The following KCNQ5 variants were observed in gnomAD, a reference collection of about 807,000 sequenced individuals.
KCNQ5 encodes the protein potassium voltage-gated channel subfamily Q member 5, also known as potassium voltage-gated channel subfamily KQT member 5.
In KCNQ5, 30 loss-of-function variants were observed where a neutral mutation model predicts 98.2. The ratio of observed to expected loss-of-function variants is 0.31; its 90% CI spans 0.23 to 0.41. The LOEUF is 0.41. Ranked by LOEUF, KCNQ5 falls within the 10% of genes least tolerant of loss-of-function variation. The pLI is 1.00. For synonymous variants in KCNQ5, 458 were observed against 449.4 expected (o/e 1.02, Z -0.24); for missense variants, 835 against 1,182.5 (o/e 0.71, Z 4.31).
chr6:72,668,230 G>C (rs1766925576), intron 1 of KCNQ5, among the ~76,000 whole-genome samples: 1 of 152,076 alleles, frequency 6.6e-6, no homozygotes, highest in African/African-American at 2.4e-5. Flanking sequence ...AATTTTAAAA[G>C]TTATTTCTTA....
chr6:72,782,360 G>A lies in KCNQ5; in HGVS notation c.398+159773G>A, dbSNP rs140000494. On this transcript the variant is annotated intron_variant, in intron 1 of 13. Transcript: ENST00000370398. ...GAGCATCTTCTCCACACCCTATACC[G>A]TGGTCCCACACAGCGCAGTTCATTT... Among the ~76,000 whole-genome samples the A allele has an allele frequency of 2.1e-3, 318 of 152,148 alleles. 2 individuals are homozygous for A. Among genetic ancestry groups the A allele is most frequent in the African/African-American group, 7.4e-3 (309 of 41,522 alleles).
chr6:72,982,504 T>TTTTTTTTTTTTTTTC (rs1768516948), intron 1 of KCNQ5, among the ~76,000 whole-genome samples: 1 of 147,484 alleles, frequency 6.8e-6, no homozygotes, highest in African/African-American at 2.5e-5. Context: ...TTTTTTTTTT[T>TTTTTTTTTTTTTTTC]TTTTTGCTTT....
intron 10 of KCNQ5, among the ~76,000 whole-genome samples, chr6:73,150,495 A>G (rs954488900): frequency 2.3e-5 from 3 of 129,502 alleles, no homozygotes; most frequent in African/African-American, 1.1e-4. Context: ...ATTACATATA[A>G]TATATTAATA....
At chr6:72,833,150 A>G (rs1480102372) in intron 1 of KCNQ5, among the ~76,000 whole-genome samples, 1 of 152,206 alleles carries the variant, frequency 6.6e-6, no homozygotes, top group Non-Finnish European at 1.5e-5. Flanking sequence ...AATATTCATG[A>G]ACTGTTCGAC....
intron 1 of KCNQ5, among the ~76,000 whole-genome samples, chr6:72,998,553 G>C (rs1769413386): frequency 6.6e-6 from 1 of 152,004 alleles, no homozygotes; most frequent in Admixed American, 6.6e-5. Flanking sequence ...GGCTAACACA[G>C]TGAAACCCCA....
intron 1 of KCNQ5, among the ~76,000 whole-genome samples, chr6:72,963,276 C>A (rs1767460774): frequency 6.6e-6 from 1 of 152,062 alleles, no homozygotes; most frequent in Non-Finnish European, 1.5e-5. Flanking sequence ...GGAAAAAAAC[C>A]CTCTTTGCTT....
At chr6:73,152,321 A>AT (rs1277673799) in intron 10 of KCNQ5, among the ~76,000 whole-genome samples, 3 of 151,802 alleles carry the variant, frequency 2.0e-5, no homozygotes, top group Admixed American at 6.6e-5. Context: ...ACTGGCCCCG[A>AT]TTTTCTTATC....
intron 1 of KCNQ5, among the ~76,000 whole-genome samples, chr6:72,956,642 A>G (rs138410615): frequency 6.6e-6 from 1 of 151,010 alleles, no homozygotes; most frequent in African/African-American, 2.4e-5. Flanking sequence ...CTGGCCTGAA[A>G]CTATCCTCCC....
At chr6:73,142,916 C>T (rs1776780444) in intron 10 of KCNQ5, among the ~76,000 whole-genome samples, 3 of 151,970 alleles carry the variant, frequency 2.0e-5, no homozygotes, top group Admixed American at 1.3e-4. Flanking sequence ...GACTCCATCT[C>T]GAAAATAAAT....
At chr6:73,081,738 TTTGGAATTAATTCTGCTA>T (rs1388291103) in intron 5 of KCNQ5, among the ~76,000 whole-genome samples, 3 of 152,194 alleles carry the variant, frequency 2.0e-5, no homozygotes, top group Non-Finnish European at 4.4e-5. Flanking sequence ...TATCTCCTGA[TTTGGAATTAATTCTGCTA>T]TTGAAAAGAA....
At chr6:72,988,649 C>T (rs370411431) in intron 1 of KCNQ5, among the ~76,000 whole-genome samples, 166 of 127,764 alleles carry the variant, frequency 1.3e-3, no homozygotes, top group East Asian at 2.3e-3. Flanking sequence ...GCATGATTTT[C>T]TTTTTTTTTT....
intron 1 of KCNQ5, among the ~76,000 whole-genome samples, chr6:72,713,104 T>C (rs955255282): frequency 3.3e-5 from 5 of 152,178 alleles, no homozygotes; most frequent in African/African-American, 1.2e-4. Context: ...AAAATGCTGG[T>C]TGGGTTTGCA....
At chr6:73,180,024 G>C (rs1203896575) in intron 11 of KCNQ5, among the ~76,000 whole-genome samples, 1 of 151,194 alleles carries the variant, frequency 6.6e-6, no homozygotes, top group Non-Finnish European at 1.5e-5. Flanking sequence ...TGAATGAATG[G>C]ACAAATTCTC....
chr6:73,187,529 A>C (rs980906920), intron 11 of KCNQ5, among the ~76,000 whole-genome samples: 8 of 152,218 alleles, frequency 5.3e-5, no homozygotes, highest in African/African-American at 1.9e-4. Flanking sequence ...TAAGTAAAGC[A>C]CTGGAAAAAA....
At chr6:72,679,571 TG>T (rs1767591399) in intron 1 of KCNQ5, among the ~76,000 whole-genome samples, 1 of 85,002 alleles carries the variant, frequency 1.2e-5, no homozygotes, top group Non-Finnish European at 2.2e-5. Context: ...TGGGGACTGT[TG>T]TGGGGTGGGG....
chr6:72,899,239 G>A (rs1779380130), intron 1 of KCNQ5, among the ~76,000 whole-genome samples: 3 of 152,040 alleles, frequency 2.0e-5, no homozygotes, highest in Admixed American at 2.0e-4. Context: ...ATTTTCTCCT[G>A]ATATTCCATG....
At chr6:73,086,546 G>A (rs1773996291) in intron 5 of KCNQ5, among the ~76,000 whole-genome samples, 1 of 152,074 alleles carries the variant, frequency 6.6e-6, no homozygotes, top group Non-Finnish European at 1.5e-5. Flanking sequence ...GAGATTCCTG[G>A]GAGTTCTTGC....
chr6:73,014,762 C>T (rs541793880), intron 2 of KCNQ5, among the ~76,000 whole-genome samples: 1 of 152,158 alleles, frequency 6.6e-6, no homozygotes, highest in Non-Finnish European at 1.5e-5. Flanking sequence ...AAGGTAATAA[C>T]AGCTACATAA....
At chr6:72,959,835 G>A (rs1238270491) in intron 1 of KCNQ5, among the ~76,000 whole-genome samples, 1 of 152,152 alleles carries the variant, frequency 6.6e-6, no homozygotes, top group Non-Finnish European at 1.5e-5. Flanking sequence ...CTACTTACAG[G>A]AATTATATCC....
Sources: gnomAD v4.1 joint callset for allele counts (sites outside exome capture counted in the v4.1 genomes callset) on GRCh38, gnomAD v4.1.1 for gene constraint, MANE v1.5 for transcripts, NCBI Gene and HGNC (gene_info 2026-07-23, HGNC 2026-07-21) for gene names.